DLG2: variants seen among roughly 807,000 people sequenced by gnomAD.
DLG2 encodes disks large homolog 2.
In DLG2, 45 loss-of-function variants were observed where a neutral mutation model predicts 132.5. That is an observed-to-expected ratio of 0.34 (90% CI 0.27 to 0.44). The LOEUF is 0.44. Ranked by LOEUF, DLG2 falls within the 20% of genes least tolerant of loss-of-function variation. The pLI, the probability that DLG2 is intolerant of heterozygous loss-of-function variation, is 1.00. For missense variants in DLG2, 1,045 were observed against 1,196.9 expected (o/e 0.87, Z 1.87); for synonymous variants, 424 against 419.6 (o/e 1.01, Z -0.13).
At chr11:84,428,095 T>C (rs1177391746) in intron 7 of DLG2, among the ~76,000 whole-genome samples, 1 of 152,194 alleles carries the variant, frequency 6.6e-6, no homozygotes, top group Non-Finnish European at 1.5e-5. Flanking sequence ...CTCTGTAGCT[T>C]AGACAACTAT....
At chr11:84,298,034 T>C (rs1233043672) in intron 7 of DLG2, among the ~76,000 whole-genome samples, 1 of 152,134 alleles carries the variant, frequency 6.6e-6, no homozygotes, top group South Asian at 2.1e-4. Context: ...CTATCCTCCA[T>C]ATCACATTAC....
chr11:84,307,928 C>T (rs916460157), intron 7 of DLG2, among the ~76,000 whole-genome samples: 1 of 152,044 alleles, frequency 6.6e-6, no homozygotes, highest in African/African-American at 2.4e-5. Context: ...CCGGTGGATT[C>T]GTAGTCTTCC....
chr11:84,123,826 TACC>T (rs1236708921), intron 9 of DLG2, among the ~76,000 whole-genome samples: 2 of 152,220 alleles, frequency 1.3e-5, no homozygotes, highest in Non-Finnish European at 2.9e-5. Flanking sequence ...CAGGTCTACT[TACC>T]ACATCAGAAA....
chr11:85,465,674 G>A (rs1430619754), intron 3 of DLG2, among the ~76,000 whole-genome samples: 2 of 152,178 alleles, frequency 1.3e-5, no homozygotes, highest in African/African-American at 4.8e-5. Context: ...CATGGTGTAT[G>A]TGTGCCACAT....
At chr11:84,540,005 G>T (rs143496133) in intron 6 of DLG2, among the ~76,000 whole-genome samples, 2 of 152,004 alleles carry the variant, frequency 1.3e-5, no homozygotes, top group South Asian at 4.1e-4. Flanking sequence ...AAGCTGAAAC[G>T]GGAATCCTTC....
intron 18 of DLG2, among the ~76,000 whole-genome samples, chr11:83,759,052 T>C (rs758397715): frequency 1.9e-4 from 29 of 152,342 alleles, no homozygotes; most frequent in Admixed American, 4.6e-4. Flanking sequence ...ATACATTGAA[T>C]ATCTAATATA....
chr11:85,013,764 T>C (rs1469790160), intron 6 of DLG2, among the ~76,000 whole-genome samples: 1 of 152,168 alleles, frequency 6.6e-6, no homozygotes, highest in Non-Finnish European at 1.5e-5. Flanking sequence ...CATGTAAAAT[T>C]CTTTTAGAAA....
intron 4 of DLG2, among the ~76,000 whole-genome samples, chr11:85,157,193 G>C (rs1026782473): frequency 2.0e-5 from 3 of 152,142 alleles, no homozygotes; most frequent in Non-Finnish European, 4.4e-5. Context: ...TTGGGACTCA[G>C]ACTGGCTTTC....
intron 9 of DLG2, among the ~76,000 whole-genome samples, chr11:84,110,956 T>A (rs2093315754): frequency 6.6e-6 from 1 of 151,914 alleles, no homozygotes; most frequent in Admixed American, 6.6e-5. Context: ...GATTTATATA[T>A]CCCGAGGAAC....
intron 19 of DLG2, among the ~76,000 whole-genome samples, chr11:83,591,864 C>A (rs2153318162): frequency 6.7e-6 from 1 of 148,150 alleles, no homozygotes; most frequent in East Asian, 2.0e-4. Flanking sequence ...AAACAGAGAG[C>A]CAAATCATGA....
chr11:85,471,377 C>T (rs2092978501), intron 3 of DLG2, among the ~76,000 whole-genome samples: 1 of 151,894 alleles, frequency 6.6e-6, no homozygotes, highest in South Asian at 2.1e-4. Context: ...AATAGCCGAC[C>T]TATCAAATGG....
At chr11:85,556,429 T>C (rs949888351) in intron 3 of DLG2, among the ~76,000 whole-genome samples, 3 of 151,892 alleles carry the variant, frequency 2.0e-5, no homozygotes, top group Admixed American at 1.3e-4. Context: ...TCCTTGGACA[T>C]ACCCAAGCCT....
At chr11:84,340,446 T>C (rs917700574) in intron 7 of DLG2, among the ~76,000 whole-genome samples, 2 of 152,146 alleles carry the variant, frequency 1.3e-5, no homozygotes, top group Non-Finnish European at 2.9e-5. Context: ...CATACAGAGA[T>C]GTAAGAGGTC....
intron 14 of DLG2, among the ~76,000 whole-genome samples, chr11:83,950,433 A>G (rs1215620173): frequency 4.6e-5 from 7 of 152,294 alleles, no homozygotes; most frequent in Admixed American, 2.6e-4. Flanking sequence ...TGCCTCTACT[A>G]AAAATACAAG....
chr11:83,582,165 A>G (rs956296949), intron 19 of DLG2, among the ~76,000 whole-genome samples: 3 of 151,780 alleles, frequency 2.0e-5, no homozygotes. Flanking sequence ...CATGTTGGCC[A>G]GGCTGGTCTC....
At chr11:83,974,998 G>A (rs1231524812) in intron 12 of DLG2, among the ~76,000 whole-genome samples, 2 of 151,996 alleles carry the variant, frequency 1.3e-5, no homozygotes, top group Non-Finnish European at 2.9e-5. Context: ...GGAAAGAAGA[G>A]GCTAAGATTT....
chr11:84,468,751 T>C (rs2099101215), intron 7 of DLG2, among the ~76,000 whole-genome samples: 1 of 151,694 alleles, frequency 6.6e-6, no homozygotes, highest in African/African-American at 2.4e-5. Context: ...CTAGAATATT[T>C]GTAAAATACA....
intron 7 of DLG2, among the ~76,000 whole-genome samples, chr11:84,277,254 C>T (rs543368079): frequency 1.4e-4 from 22 of 152,302 alleles, no homozygotes; most frequent in African/African-American, 5.1e-4. Context: ...GAATATTTTA[C>T]TCCACAACAG....
intron 3 of DLG2, among the ~76,000 whole-genome samples, chr11:85,573,774 C>A (rs2077985123): frequency 6.6e-6 from 1 of 152,160 alleles, no homozygotes; most frequent in Non-Finnish European, 1.5e-5. Flanking sequence ...CTATTTCTAG[C>A]CCTAATCTCT....
Sources: gnomAD v4.1 joint callset for allele counts (sites outside exome capture counted in the v4.1 genomes callset) on GRCh38, gnomAD v4.1.1 for gene constraint, MANE v1.5 for transcripts, NCBI Gene and HGNC (gene_info 2026-07-23, HGNC 2026-07-21) for gene names.